Variants in LARGE1 observed in about 807,000 individuals in gnomAD.
LARGE1 encodes the protein LARGE xylosyl- and glucuronyltransferase 1, also known as xylosyl- and glucuronyltransferase LARGE1.
In LARGE1, 43 loss-of-function variants were observed where a neutral mutation model predicts 87.6. The ratio of observed to expected loss-of-function variants is 0.49; its 90% CI spans 0.38 to 0.63. The LOEUF (loss-of-function observed/expected upper bound fraction) is 0.63, where lower values mean the gene tolerates loss of function less well. LARGE1 is among the 30% of genes least tolerant of loss of function. The pLI is 0.00. For missense variants in LARGE1, 802 were observed against 1,000.2 expected, an observed-to-expected ratio of 0.80 and a Z score of 2.67; for synonymous variants, 434 against 394.6, an observed-to-expected ratio of 1.10 and a Z score of -1.18.
At chr22:33,404,989 T>C (rs1178548051) in intron 7 of LARGE1, among the ~76,000 whole-genome samples, 2 of 152,248 alleles carry the variant, frequency 1.3e-5, no homozygotes, top group Non-Finnish European at 2.9e-5. Flanking sequence ...TCTGCACTTC[T>C]GCATTGGGTA....
At chr22:33,801,715 C>G (rs2086165481) in intron 1 of LARGE1, among the ~76,000 whole-genome samples, 1 of 152,120 alleles carries the variant, frequency 6.6e-6, no homozygotes, top group Non-Finnish European at 1.5e-5. Context: ...AATTCCAGTT[C>G]ATCCATTTTG....
At chr22:33,913,973 T>G (rs1170679980) in intron 1 of LARGE1, among the ~76,000 whole-genome samples, 1 of 152,202 alleles carries the variant, frequency 6.6e-6, no homozygotes, top group Non-Finnish European at 1.5e-5. Context: ...ATGAATCCCT[T>G]TAGTAAGGTA....
At chr22:33,907,356 C>T (rs916245254) in intron 1 of LARGE1, among the ~76,000 whole-genome samples, 3 of 152,208 alleles carry the variant, frequency 2.0e-5, no homozygotes, top group African/African-American at 7.2e-5. Context: ...TTAGGCACTG[C>T]TGCTAAGCTC....
chr22:33,667,190 A>C (rs1252858368), intron 2 of LARGE1, among the ~76,000 whole-genome samples: 3 of 152,242 alleles, frequency 2.0e-5, no homozygotes, highest in Non-Finnish European at 4.4e-5. Context: ...TGGGAGAGTT[A>C]TATGAGTTTC....
the LARGE1 span, among the ~76,000 whole-genome samples, chr22:33,093,178 C>T: frequency 6.6e-6 from 1 of 152,170 alleles, no homozygotes; most frequent in African/African-American, 2.4e-5. Flanking sequence ...TATTTCAGAA[C>T]ATCATGGGCA....
At chr22:33,089,483 T>C in the LARGE1 span, among the ~76,000 whole-genome samples, 1 of 151,144 alleles carries the variant, frequency 6.6e-6, no homozygotes, top group Non-Finnish European at 1.5e-5. Context: ...TTCCTCTTCC[T>C]CTTCCTCTTC....
intron 2 of LARGE1, among the ~76,000 whole-genome samples, chr22:33,650,964 T>C (rs1322487436): frequency 6.6e-6 from 1 of 151,988 alleles, no homozygotes; most frequent in Non-Finnish European, 1.5e-5. Context: ...GGCATGTTTC[T>C]AAGTAGGCTT....
intron 7 of LARGE1, among the ~76,000 whole-genome samples, chr22:33,418,752 A>G (rs1350619628): frequency 6.6e-6 from 1 of 152,154 alleles, no homozygotes; most frequent in Non-Finnish European, 1.5e-5. Context: ...GGCTGTGGAT[A>G]CGGACAACTG....
chr22:33,552,923 C>T (rs181509895), intron 6 of LARGE1, among the ~76,000 whole-genome samples: 34 of 152,226 alleles, frequency 2.2e-4, no homozygotes, highest in African/African-American at 7.0e-4. Flanking sequence ...AGCTGAATTG[C>T]GAAGTGCCTG....
chr22:33,777,008 C>G (rs557337635), intron 1 of LARGE1, among the ~76,000 whole-genome samples: 66 of 152,200 alleles, frequency 4.3e-4, no homozygotes, highest in African/African-American at 1.5e-3. Context: ...GATAGTCAGG[C>G]AGACACAAAC....
At chr22:33,778,743 T>C (rs1392687472) in intron 1 of LARGE1, among the ~76,000 whole-genome samples, 1 of 152,062 alleles carries the variant, frequency 6.6e-6, no homozygotes, top group Non-Finnish European at 1.5e-5. Flanking sequence ...CTCCGCCTCC[T>C]GAGTTCAAGC....
chr22:33,169,947 G>C (rs1187441944), intron 11 of LARGE1, among the ~76,000 whole-genome samples: 1 of 152,078 alleles, frequency 6.6e-6, no homozygotes, highest in Admixed American at 6.6e-5. Context: ...ATCTATTCAA[G>C]TTACTGCTAA....
chr22:33,476,947 G>A (rs980134092), intron 6 of LARGE1, among the ~76,000 whole-genome samples: 2 of 152,144 alleles, frequency 1.3e-5, no homozygotes, highest in East Asian at 1.9e-4. Flanking sequence ...TCTTCGGCTC[G>A]GTGACAATTG....
intron 5 of LARGE1, among the ~76,000 whole-genome samples, chr22:33,567,702 T>C (rs761732376): frequency 6.6e-6 from 1 of 152,208 alleles, no homozygotes; most frequent in Non-Finnish European, 1.5e-5. Context: ...CCAGTATACC[T>C]GTCACCTGAA....
At chr22:33,467,222 T>C (rs747411890) in intron 6 of LARGE1, among the ~76,000 whole-genome samples, 3 of 152,216 alleles carry the variant, frequency 2.0e-5, no homozygotes, top group Non-Finnish European at 2.9e-5. Context: ...TCTGAATTTG[T>C]ACAAATTGTG....
chr22:33,351,755 CTT>C (rs60911479), intron 9 of LARGE1, among the ~76,000 whole-genome samples: 102 of 146,372 alleles, frequency 7.0e-4, no homozygotes, highest in Non-Finnish European at 7.1e-4. Context: ...AAATTAGAAA[CTT>C]TTTTTTTTTT....
At chr22:33,522,746 G>A (rs1337095585) in intron 6 of LARGE1, among the ~76,000 whole-genome samples, 2 of 151,466 alleles carry the variant, frequency 1.3e-5, no homozygotes, top group Admixed American at 1.3e-4. Flanking sequence ...CAAGAGAATC[G>A]CTTGAACCCA....
intron 1 of LARGE1, among the ~76,000 whole-genome samples, chr22:33,837,580 G>A (rs1036694204): frequency 2.0e-5 from 3 of 152,210 alleles, no homozygotes; most frequent in South Asian, 2.1e-4. Flanking sequence ...TTTGTAAACT[G>A]TGAAAACCCT....
intron 11 of LARGE1, among the ~76,000 whole-genome samples, chr22:33,260,936 G>T (rs1046493431): frequency 3.0e-4 from 45 of 152,176 alleles, no homozygotes; most frequent in Admixed American, 1.2e-3. Flanking sequence ...AAAGAGCACA[G>T]AATTGGAAAA....
Sources: allele counts gnomAD v4.1 joint callset (sites outside exome capture counted in the v4.1 genomes callset), GRCh38; gene constraint gnomAD v4.1.1; transcripts MANE v1.5; gene names NCBI Gene and HGNC (gene_info 2026-07-23, HGNC 2026-07-21).